KMT2C: variants seen among roughly 807,000 people sequenced by gnomAD.
KMT2C encodes the protein lysine methyltransferase 2C, also known as histone-lysine N-methyltransferase 2C.
Under a neutral mutation model 507.9 loss-of-function variants are expected in KMT2C, and 88 were observed. The observed-to-expected ratio is 0.17, with a 90% confidence interval of 0.15 to 0.21. KMT2C has a LOEUF of 0.21. Ranked by LOEUF, KMT2C falls within the 10% of genes least tolerant of loss-of-function variation. KMT2C has a pLI of 1.00. For synonymous variants in KMT2C, 2,049 were observed against 2,080.8 expected, an observed-to-expected ratio of 0.98 and a Z score of 0.42; for missense variants, 4,954 against 5,957.8, an observed-to-expected ratio of 0.83 and a Z score of 5.55.
At chr7:152,366,247 A>G (rs6978950) in intron 1 of KMT2C, among the ~76,000 whole-genome samples, 110 of 152,316 alleles carry the variant, frequency 7.2e-4, no homozygotes, top group African/African-American at 2.6e-3. Flanking sequence ...CTGGGTATAC[A>G]CCAAAAAGAA....
At chr7:152,218,446 T>A (rs1255813017) in intron 23 of KMT2C, among the ~76,000 whole-genome samples, 3 of 151,992 alleles carry the variant, frequency 2.0e-5, no homozygotes, top group Admixed American at 6.6e-5. Flanking sequence ...TTACAGATTA[T>A]AGGCATGAGC....
chr7:152,208,393 T>G (rs1180140852), intron 23 of KMT2C, among the ~76,000 whole-genome samples: 2 of 152,264 alleles, frequency 1.3e-5, no homozygotes, highest in African/African-American at 4.8e-5. Context: ...GAAAAGATTA[T>G]GTCAAACAGT....
intron 6 of KMT2C, among the ~76,000 whole-genome samples, chr7:152,279,551 T>A (rs1193354835): frequency 2.0e-5 from 3 of 152,244 alleles, no homozygotes; most frequent in African/African-American, 7.2e-5. Context: ...AAATAAAACC[T>A]AATCTATGAA....
intron 6 of KMT2C, among the ~76,000 whole-genome samples, chr7:152,278,067 T>C (rs1588840544): frequency 6.6e-6 from 1 of 152,090 alleles, no homozygotes; most frequent in African/African-American, 2.4e-5. Context: ...TAATCCCCAA[T>C]GTTGGAGGTG....
At chr7:152,160,987 G>C (rs753069857) in intron 43 of KMT2C, among the ~76,000 whole-genome samples, 1 of 152,128 alleles carries the variant, frequency 6.6e-6, no homozygotes, top group Non-Finnish European at 1.5e-5. Context: ...ATATTGTCCA[G>C]ACGTATATAA....
intron 42 of KMT2C, 124 bp downstream of exon 42, chr7:152,167,022 T>C: frequency 1.4e-6 from 1 of 721,448 alleles, no homozygotes; most frequent in Non-Finnish European, 2.3e-6. Context: ...TTTGGCAATG[T>C]ACTTTTAATG....
At chr7:152,383,134 T>TTGTG (rs777688708) in intron 1 of KMT2C, among the ~76,000 whole-genome samples, 8 of 142,120 alleles carry the variant, frequency 5.6e-5, no homozygotes, top group African/African-American at 1.3e-4. Context: ...TATATATAAT[T>TTGTG]TGTGTGTGTG....
rs561695494 is a variant in KMT2C at position 152,212,904 on chromosome 7, G to C, written c.3713-5476C>G. Reference sequence around the variant, plus strand: ...AAAAATACAAAAATTGGCCAGGCAGGCGTGGTGGCAGGCACCTGTAATCCC... The same window carrying C: ...AAAAATACAAAAATTGGCCAGGCAGCCGTGGTGGCAGGCACCTGTAATCCC... On this transcript the variant is annotated intron_variant, in intron 23 of 58. Coordinates refer to ENST00000262189, the MANE Select transcript of KMT2C (RefSeq NM_170606.3). 3.3e-5 allele frequency among the ~76,000 whole-genome samples: 5 copies of C among 152,352 alleles called. No homozygotes were observed. The South Asian group carries it at 8.3e-4, about 25-fold the overall frequency.
At chr7:152,311,346 T>A (rs1438508332) in intron 5 of KMT2C, among the ~76,000 whole-genome samples, 1 of 152,220 alleles carries the variant, frequency 6.6e-6, no homozygotes, top group Non-Finnish European at 1.5e-5. Flanking sequence ...AACTACAGAA[T>A]GAGATGTACT....
rs537279460 is a variant in KMT2C, at chr7:152,261,971, T to C, written c.1299+1045A>G. On this transcript the variant is annotated intron_variant, in intron 9 of 58. Transcript: ENST00000262189. The stretch of plus-strand genomic sequence containing the variant: ...AGCACAGTTACCCAGCAGCTCTTTT[T>C]CCCCCCAGGAGAGAAAGCCCCTCCC... Among the ~76,000 whole-genome samples, 1,146 of 151,542 alleles carry C rather than the reference T, an allele frequency of 7.6e-3. 17 individuals carry two copies. Among genetic ancestry groups the C allele is most frequent in the African/African-American group, 0.027 (1,103 of 41,234 alleles).
At chr7:152,422,328 G>A (rs1471252720) in intron 1 of KMT2C, among the ~76,000 whole-genome samples, 1 of 151,234 alleles carries the variant, frequency 6.6e-6, no homozygotes, top group Non-Finnish European at 1.5e-5. Context: ...GGTGGCAGAT[G>A]CCTGTAATCA....
rs1177010654 is a variant in KMT2C, at chr7:152,148,112, C to T, written c.13815G>A (p.Lys4605=). Residue 4605 remains lysine, a synonymous_variant, in exon 52 of 59, where the codon AAG becomes AAA. Coordinates refer to ENST00000262189, the MANE Select transcript of KMT2C (RefSeq NM_170606.3). The surrounding 1 kb of genome is among the most constrained non-coding windows in gnomAD (Gnocchi z 7.1). ...TGATGACAAACACTGGGCGCCCATC[C>T]TTCTCCTCAATGGAGCACAGGTAGC... is the stretch of plus-strand genomic sequence containing the variant. ...RCRYLCSIEE[K]DGRPVFVIRI... is the part of the protein sequence containing the mutation. 3 of 1,611,840 alleles carry T rather than the reference C, an allele frequency of 1.9e-6. No individual in the cohort carries two copies. The African/African-American group carries it at 4.0e-5, about 22-fold the overall frequency.
intron 23 of KMT2C, among the ~76,000 whole-genome samples, chr7:152,210,573 A>C (rs1288202239): frequency 1.3e-5 from 2 of 151,902 alleles, no homozygotes; most frequent in African/African-American, 2.4e-5. Context: ...ATCAGCTATC[A>C]TTAGTGTATT....
intron 9 of KMT2C, 85 bp downstream of exon 9, chr7:152,262,931 A>G: frequency 2.2e-6 from 2 of 928,390 alleles, no homozygotes; most frequent in Non-Finnish European, 3.3e-6. Context: ...GTGATGATGT[A>G]CAGATTTGAA....
chr7:152,315,402 A>G (rs2096713035), intron 3 of KMT2C, 64 bp from the exon 4 acceptor site: 3 of 1,093,206 alleles, frequency 2.7e-6, no homozygotes, highest in Admixed American at 1.9e-5. Flanking sequence ...GCTTTAAGCG[A>G]TAACTATAGA....
chr7:152,376,732 C>G (rs751816235), intron 1 of KMT2C, among the ~76,000 whole-genome samples: 4 of 152,262 alleles, frequency 2.6e-5, no homozygotes, highest in Non-Finnish European at 4.4e-5. Context: ...AGTGAAGCAG[C>G]AAGTGCTGAC....
At chr7:152,243,314 T>G (rs2095417454) in intron 14 of KMT2C, among the ~76,000 whole-genome samples, 1 of 152,180 alleles carries the variant, frequency 6.6e-6, no homozygotes, top group Non-Finnish European at 1.5e-5. Flanking sequence ...ATCGGCTGTG[T>G]TGTTAGCTTG....
At chr7:152,364,703 C>G (rs1019732543) in intron 1 of KMT2C, among the ~76,000 whole-genome samples, 1 of 151,540 alleles carries the variant, frequency 6.6e-6, no homozygotes, top group Non-Finnish European at 1.5e-5. Context: ...ATCATTATCC[C>G]TAAAGACATA....
intron 6 of KMT2C, among the ~76,000 whole-genome samples, chr7:152,305,942 G>A (rs965857456): frequency 6.6e-6 from 1 of 152,004 alleles, no homozygotes; most frequent in Non-Finnish European, 1.5e-5. Context: ...ATGCTACTGG[G>A]GTGTCATTGT....
Sources: gnomAD v4.1 joint callset for allele counts (sites outside exome capture counted in the v4.1 genomes callset) on GRCh38, gnomAD v4.1.1 for gene constraint, Gnocchi (gnomAD v3.1) non-coding constraint, MANE v1.5 for transcripts, NCBI Gene and HGNC (gene_info 2026-07-23, HGNC 2026-07-21) for gene names.